Variants in DLGAP2 observed in about 807,000 individuals in gnomAD.
DLGAP2 encodes DLG associated protein 2.
A neutral mutation model predicts 100.3 loss-of-function variants in DLGAP2; 26 were observed. That is an observed-to-expected ratio of 0.26 (90% CI 0.19 to 0.36). The LOEUF (loss-of-function observed/expected upper bound fraction) is 0.36, where lower values mean the gene tolerates loss of function less well. DLGAP2 is among the 10% of genes least tolerant of loss of function. The pLI is 1.00. For synonymous variants in DLGAP2, 886 were observed against 630.1 expected (o/e 1.41, Z -6.08); for missense variants, 1,858 against 1,453.2 (o/e 1.28, Z -4.53).
At chr8:1,093,939 G>A (rs1804279270) in intron 2 of DLGAP2, among the ~76,000 whole-genome samples, 1 of 150,804 alleles carries the variant, frequency 6.6e-6, no homozygotes, top group Non-Finnish European at 1.5e-5. Context: ...ATGCCTCTCT[G>A]TGTGCAGGTG....
At chr8:1,051,613 A>G (rs1369293429) in intron 2 of DLGAP2, among the ~76,000 whole-genome samples, 1 of 152,228 alleles carries the variant, frequency 6.6e-6, no homozygotes, top group Non-Finnish European at 1.5e-5. Context: ...TATCTAATAG[A>G]GCATTTTCTG....
chr8:780,946 G>A (rs1821667860), intron 1 of DLGAP2, among the ~76,000 whole-genome samples: 1 of 152,138 alleles, frequency 6.6e-6, no homozygotes. Flanking sequence ...CTTGTGCTAG[G>A]GTTTTGTGCA....
chr8:1,265,799 A>AT (rs1799438638), intron 3 of DLGAP2, among the ~76,000 whole-genome samples: 1 of 152,338 alleles, frequency 6.6e-6, no homozygotes, highest in South Asian at 2.1e-4. Flanking sequence ...TGAGACAATA[A>AT]AGAGAGTGAA....
rs973875513 is a variant in DLGAP2 at position 963,354 on chromosome 8, T to C, written c.73+55388T>C. 3.2e-4 allele frequency among the ~76,000 whole-genome samples: 48 copies of C among 152,328 alleles called. 1 individual carries two copies. The highest frequency in any genetic ancestry group is 1.2e-3 in the African/African-American group (48 of 41,560). ...AAAGTTAGCAGCTTTGGAGTGGACGTATTTTGGAATGTGAGCTCCCTGGGC... is the reference window on the plus strand; with the variant it reads ...AAAGTTAGCAGCTTTGGAGTGGACGCATTTTGGAATGTGAGCTCCCTGGGC... On this transcript the variant is annotated intron_variant, in intron 2 of 14. Transcript: ENST00000637795.
intron 4 of DLGAP2, among the ~76,000 whole-genome samples, chr8:1,513,998 C>G (rs1474636068): frequency 6.6e-6 from 1 of 152,222 alleles, no homozygotes; most frequent in Non-Finnish European, 1.5e-5. Context: ...ACATCCCCTC[C>G]CCTTCCCGGG....
chr8:1,674,818 G>C (rs1798771928), intron 10 of DLGAP2, among the ~76,000 whole-genome samples: 1 of 152,160 alleles, frequency 6.6e-6, no homozygotes, highest in Non-Finnish European at 1.5e-5. Context: ...AAATGCACTA[G>C]GCTATACTCA....
intron 3 of DLGAP2, among the ~76,000 whole-genome samples, chr8:1,447,889 A>G (rs541187319): frequency 2.0e-5 from 3 of 152,318 alleles, no homozygotes; most frequent in African/African-American, 4.8e-5. Flanking sequence ...TGTTTGTAGT[A>G]TTCTCTGATG....
At chr8:1,258,184 T>C (rs1799269043) in intron 2 of DLGAP2, among the ~76,000 whole-genome samples, 1 of 152,240 alleles carries the variant, frequency 6.6e-6, no homozygotes, top group Non-Finnish European at 1.5e-5. Context: ...ATAACTTTTG[T>C]GCCTGAAAGG....
intron 2 of DLGAP2, among the ~76,000 whole-genome samples, chr8:1,042,504 T>C (rs1363803656): frequency 6.6e-6 from 1 of 152,060 alleles, no homozygotes; most frequent in Non-Finnish European, 1.5e-5. Context: ...CTGAGATGTG[T>C]GTGGAAAATG....
At chr8:1,214,135 C>T (rs1317241918) in intron 2 of DLGAP2, among the ~76,000 whole-genome samples, 1 of 152,178 alleles carries the variant, frequency 6.6e-6, no homozygotes, top group Non-Finnish European at 1.5e-5. Context: ...TTTCTCCCAG[C>T]CCCCTTCCCT....
chr8:1,430,739 A>G (rs761472464), intron 3 of DLGAP2, among the ~76,000 whole-genome samples: 2 of 152,236 alleles, frequency 1.3e-5, no homozygotes, highest in Non-Finnish European at 2.9e-5. Context: ...CCACTCAGAA[A>G]TATCTTCAAC....
At chr8:1,193,966 A>T (rs1797695632) in intron 2 of DLGAP2, among the ~76,000 whole-genome samples, 1 of 152,068 alleles carries the variant, frequency 6.6e-6, no homozygotes, top group Admixed American at 6.5e-5. Flanking sequence ...TGAGAGCTTG[A>T]CGGGAAGGAA....
chr8:1,586,619 TG>T (rs1414564796), intron 6 of DLGAP2, among the ~76,000 whole-genome samples: 2 of 152,166 alleles, frequency 1.3e-5, no homozygotes, highest in African/African-American at 4.8e-5. Flanking sequence ...TTCACAGATG[TG>T]GCACCAGCGT....
At chr8:1,417,102 TG>T (rs1452405796) in intron 3 of DLGAP2, among the ~76,000 whole-genome samples, 1 of 16,242 alleles carries the variant, frequency 6.2e-5, no homozygotes, top group Admixed American at 5.8e-4. Context: ...GATGGGGGGG[TG>T]GGGGGGAGAC....
In DLGAP2 at chr8:737,650, G is replaced by C. The variant is rs552633911; in HGVS notation, c.-158G>C. On this transcript the variant is annotated 5_prime_UTR_variant, in exon 1 of 15. Transcript: ENST00000637795. ...TGAAGACCGACCGTGCGCCGGGCTC[G>C]AGCGCGGTCTGAGCGCGCGGCGCCT... 9.9e-5 allele frequency: 35 copies of C among 352,444 alleles called. 1 individual carries two copies. In the South Asian group the frequency reaches 1.8e-3, roughly 18 times the overall value. The allele number at this position is 352,444 out of a possible 1,614,324, so 21.8% of individuals were successfully genotyped here. A position where few individuals can be genotyped will look rare whatever the true frequency, so the allele number is the denominator to read the frequency against.
intron 1 of DLGAP2, among the ~76,000 whole-genome samples, chr8:741,567 T>C (rs1210962322): frequency 1.3e-5 from 2 of 152,184 alleles, no homozygotes; most frequent in African/African-American, 2.4e-5. Context: ...AGTGTCTTCA[T>C]GTGGGATGTC....
At chr8:1,317,536 T>C (rs1476628617) in intron 3 of DLGAP2, among the ~76,000 whole-genome samples, 1 of 136,886 alleles carries the variant, frequency 7.3e-6, no homozygotes, top group Non-Finnish European at 1.5e-5. Flanking sequence ...GCTGTGCGAG[T>C]GCAGCGTGTC....
chr8:1,248,980 T>G (rs993719658), intron 2 of DLGAP2, among the ~76,000 whole-genome samples: 1 of 152,114 alleles, frequency 6.6e-6, no homozygotes, highest in African/African-American at 2.4e-5. Flanking sequence ...TCAGCCACAA[T>G]GTAAGAGCAG....
At chr8:916,238 A>C (rs1031985587) in intron 2 of DLGAP2, among the ~76,000 whole-genome samples, 2 of 152,244 alleles carry the variant, frequency 1.3e-5, no homozygotes, top group African/African-American at 2.4e-5. Flanking sequence ...CTACATATAT[A>C]CATGAAATTG....
Sources: allele counts gnomAD v4.1 joint callset (sites outside exome capture counted in the v4.1 genomes callset), GRCh38; gene constraint gnomAD v4.1.1; transcripts MANE v1.5; gene names NCBI Gene and HGNC (gene_info 2026-07-23, HGNC 2026-07-21).